The following EIF4E3 variants were observed in gnomAD, a reference collection of about 807,000 sequenced individuals.
EIF4E3 encodes the protein eukaryotic translation initiation factor 4E type 3.
A neutral mutation model predicts 31.7 loss-of-function variants in EIF4E3; 26 were observed. The ratio of observed to expected loss-of-function variants is 0.82; its 90% CI spans 0.60 to 1.14. EIF4E3 has a LOEUF of 1.14. Ranked by LOEUF, EIF4E3 falls within the 50% of genes most tolerant of loss-of-function variation. EIF4E3 has a pLI of 0.00. For missense variants in EIF4E3, 304 were observed against 270.9 expected, an observed-to-expected ratio of 1.12 and a Z score of -0.86; for synonymous variants, 128 against 107.7, an observed-to-expected ratio of 1.19 and a Z score of -1.17.
the EIF4E3 span, among the ~76,000 whole-genome samples, chr3:71,661,239 C>T: frequency 1.2e-4 from 12 of 100,340 alleles, no homozygotes; most frequent in East Asian, 2.5e-4. Context: ...GGTTGGGGGG[C>T]GGGGGCGGCA....
At chr3:71,699,269 C>A (rs186807353) in intron 3 of EIF4E3, among the ~76,000 whole-genome samples, 98 of 152,066 alleles carry the variant, frequency 6.4e-4, no homozygotes, top group African/African-American at 2.2e-3. Flanking sequence ...ACAAAAAAAA[C>A]CCCACAAAAA....
At chr3:71,713,491 C>T (rs923063616) in intron 1 of EIF4E3, among the ~76,000 whole-genome samples, 1 of 150,760 alleles carries the variant, frequency 6.6e-6, no homozygotes, top group East Asian at 1.9e-4. Flanking sequence ...GGCTGGAGTG[C>T]AGTGGCATAA....
downstream of EIF4E3, among the ~76,000 whole-genome samples, chr3:71,673,923 ATATATAT>A (rs1408158289): frequency 1.5e-3 from 220 of 143,046 alleles, no homozygotes; most frequent in African/African-American, 5.3e-3. Flanking sequence ...ATATATATAT[ATATATAT>A]AAAAAACATA....
chr3:71,693,924 C>G lies in EIF4E3; in HGVS notation c.423G>C (p.Glu141Asp), dbSNP rs763217075. 2 of 1,584,990 alleles carry G rather than the reference C, an allele frequency of 1.3e-6. No individual in the cohort carries two copies. The highest frequency in any genetic ancestry group is 2.3e-5 in the East Asian group (1 of 44,186). The change falls in exon 5 of 7, where the codon GAG becomes GAC. Residue 141 changes from glutamate (E) to aspartate (D), a missense_variant. Physicochemically the swap from Glu to Asp is conservative, Grantham distance 45. Transcript: ENST00000425534. ...PKDSTSTVWK[E>D]LLLATIGEQF... ...GTTCCCCGATGGTTGCTAACAGCAA[C>G]TCTTTCCAAACTGTGGACTGATATG...
downstream of EIF4E3, among the ~76,000 whole-genome samples, chr3:71,672,394 C>T (rs536635579): frequency 2.0e-5 from 3 of 152,314 alleles, no homozygotes; most frequent in African/African-American, 7.2e-5. Flanking sequence ...GTCAGGAGGG[C>T]TCGCCATGCA....
chr3:71,668,723 A>T, the EIF4E3 span, among the ~76,000 whole-genome samples: 39 of 152,226 alleles, frequency 2.6e-4, no homozygotes, highest in African/African-American at 8.4e-4. Context: ...TAGAATGGCG[A>T]TCATTAAAAG....
chr3:71,665,457 G>A, the EIF4E3 span, among the ~76,000 whole-genome samples: 3 of 152,212 alleles, frequency 2.0e-5, no homozygotes, highest in Non-Finnish European at 2.9e-5. Context: ...AAATTAGCCA[G>A]AGAATTTCTA....
chr3:71,726,083 C>A (rs1026490503), upstream of EIF4E3, among the ~76,000 whole-genome samples: 1 of 152,184 alleles, frequency 6.6e-6, no homozygotes, highest in African/African-American at 2.4e-5. Context: ...GTGGGCTTTG[C>A]ATTCCTCTTG....
rs56982495 is a variant in EIF4E3 at position 71,738,978 on chromosome 3, GTATATATATA to G, written c.-290-10365_-290-10356del. ...TTTCCAAATGCCTGAAAATTGAACA[GTATATATATA>G]TATATATATATATATATATGGGTTA... On this transcript the variant is annotated intron_variant, in intron 1 of 7. Coordinates refer to the EIF4E3 transcript ENST00000295612. 1.3e-3 allele frequency among the ~76,000 whole-genome samples: 120 copies of G among 95,814 alleles called. 10 individuals are homozygous for G. The highest frequency in any genetic ancestry group is 3.7e-3 in the African/African-American group (73 of 19,764). The allele number at this position is 95,814 out of a possible 152,430, so 62.9% of individuals were successfully genotyped here.
At chr3:71,731,989 T>C (rs1216417227) in intron 1 of EIF4E3, among the ~76,000 whole-genome samples, 1 of 152,234 alleles carries the variant, frequency 6.6e-6, no homozygotes, top group African/African-American at 2.4e-5. Context: ...CATGGAAATA[T>C]ATATATTCCA....
At chr3:71,671,445 T>C (rs2048847546), downstream of EIF4E3, among the ~76,000 whole-genome samples, 1 of 152,236 alleles carries the variant, frequency 6.6e-6, no homozygotes, top group South Asian at 2.1e-4. Context: ...GGGCTAACTC[T>C]CGGGGTATTG....
intron 1 of EIF4E3, among the ~76,000 whole-genome samples, chr3:71,713,903 T>C (rs553625732): frequency 6.6e-6 from 1 of 152,222 alleles, no homozygotes; most frequent in South Asian, 2.1e-4. Flanking sequence ...ATGATACTGA[T>C]GTATTGGGAT....
At chr3:71,671,976 G>A (rs2048849365), downstream of EIF4E3, among the ~76,000 whole-genome samples, 1 of 152,124 alleles carries the variant, frequency 6.6e-6, no homozygotes, top group African/African-American at 2.4e-5. Context: ...TGACAAAGCT[G>A]CTAAGAGGGT....
chr3:71,667,721 G>T, the EIF4E3 span, among the ~76,000 whole-genome samples: 1 of 152,118 alleles, frequency 6.6e-6, no homozygotes, highest in South Asian at 2.1e-4. Flanking sequence ...TCTTCAAGAA[G>T]AACTACAAAC....
chr3:71,681,060 TTC>T lies in EIF4E3; in HGVS notation c.*3620_*3621del, dbSNP rs2048916572. 2 of 152,244 alleles carry T rather than the reference TTC, an allele frequency of 1.3e-5. No homozygotes were observed. The highest frequency in any genetic ancestry group is 4.1e-4 in the South Asian group (2 of 4,832). 9.4% of individuals were successfully genotyped at this position (152,244 alleles called of 1,614,324 possible). ...ATCTCCTATATGTGAGTTTATTTTA[TTC>T]TTTTTCTTCCCAATCACTTATAAGG... On this transcript the variant is annotated 3_prime_UTR_variant, in exon 7 of 7. Coordinates refer to ENST00000425534, the MANE Select transcript of EIF4E3 (RefSeq NM_001134651.2).
In EIF4E3 at chr3:71,683,243, G is replaced by C. The variant is rs768239404; in HGVS notation, c.*1439C>G. 2.0e-5 allele frequency: 3 copies of C among 152,190 alleles called. No individual in the cohort carries two copies. Among genetic ancestry groups the C allele is most frequent in the Non-Finnish European group, 2.9e-5 (2 of 68,030 alleles). 9.4% of individuals were successfully genotyped at this position (152,190 alleles called of 1,614,324 possible). On this transcript the variant is annotated 3_prime_UTR_variant, in exon 7 of 7. Transcript: ENST00000425534. ...GGAGAATTTTATCTACAAACACATA[G>C]TGGAGGCTTAAAGTAGCCTCAAGTC...
At chr3:71,705,923 C>T (rs1043438687) in intron 2 of EIF4E3, among the ~76,000 whole-genome samples, 28 of 152,280 alleles carry the variant, frequency 1.8e-4, no homozygotes, top group African/African-American at 5.8e-4. Context: ...CCAATGCACC[C>T]GGCTAAAAGC....
intron 1 of EIF4E3, among the ~76,000 whole-genome samples, chr3:71,752,186 C>A (rs140111407): frequency 6.6e-6 from 1 of 152,288 alleles, no homozygotes; most frequent in African/African-American, 2.4e-5. Flanking sequence ...TAGTCTCACC[C>A]CGGAGCTTGT....
rs2048881473 is a variant in EIF4E3 at position 71,677,273 on chromosome 3, C to T, written c.*7409G>A. ...AACTTGCTGGCCCTTGCAAATGCTA[C>T]TGTTTTTTCTTTTCTTCATGTAACA... On this transcript the variant is annotated 3_prime_UTR_variant, in exon 7 of 7. Coordinates refer to ENST00000425534, the MANE Select transcript of EIF4E3 (RefSeq NM_001134651.2). 4.6e-5 allele frequency: 7 copies of T among 152,136 alleles called. No individual in the cohort carries two copies. The South Asian group carries it at 1.5e-3, about 32-fold the overall frequency. The allele number at this position is 152,136 out of a possible 1,614,324, so 9.4% of individuals were successfully genotyped here.
Sources: allele counts gnomAD v4.1 joint callset (sites outside exome capture counted in the v4.1 genomes callset), GRCh38; gene constraint gnomAD v4.1.1; transcripts MANE v1.5; gene names NCBI Gene and HGNC (gene_info 2026-07-23, HGNC 2026-07-21).